The following EPB41L2 variants were observed in gnomAD, a reference collection of about 807,000 sequenced individuals.
The protein encoded by EPB41L2 is erythrocyte membrane protein band 4.1 like 2.
EPB41L2 carries 43 observed loss-of-function variants against 113.0 expected under a neutral mutation model. That is an observed-to-expected ratio of 0.38 (90% CI 0.30 to 0.49). EPB41L2 has a LOEUF of 0.49. Among genes scored for constraint, EPB41L2 ranks in the 20% least tolerant of loss-of-function variants. EPB41L2 has a pLI of 0.95. For missense variants in EPB41L2, 1,147 were observed against 1,223.4 expected (o/e 0.94, Z 0.93); for synonymous variants, 442 against 436.7 (o/e 1.01, Z -0.15).
chr6:130,867,133 A>AAAG (rs1355786763), intron 16 of EPB41L2, among the ~76,000 whole-genome samples: 1 of 152,228 alleles, frequency 6.6e-6, no homozygotes, highest in Non-Finnish European at 1.5e-5. Context: ...TTTGCAAGAC[A>AAAG]ATTTGTTTCC....
intron 1 of EPB41L2, among the ~76,000 whole-genome samples, chr6:131,037,380 CTT>C (rs950283546): frequency 3.3e-5 from 5 of 151,968 alleles, no homozygotes; most frequent in African/African-American, 7.3e-5. Flanking sequence ...TTAGAAAAGA[CTT>C]AGAAAAGCTG....
At position 131,062,317 on chromosome 6, in the gene EPB41L2, C is replaced by T. The variant is rs906807492; in HGVS notation, c.-15+838G>A. ...CGTCTGCGCCTGGGGATGGCGTCCCCAGACGCCGACTTCAACCCTGTCGCG... is the reference window on the plus strand; with the variant it reads ...CGTCTGCGCCTGGGGATGGCGTCCCTAGACGCCGACTTCAACCCTGTCGCG... On this transcript the variant is annotated intron_variant, in intron 1 of 19. Transcript: ENST00000337057. 3 of 152,032 alleles carry T rather than the reference C, an allele frequency of 2.0e-5. No homozygotes were observed. In the East Asian group the frequency reaches 5.8e-4, roughly 29 times the overall value. The allele number at this position is 152,032 out of a possible 1,614,324, so 9.4% of individuals were successfully genotyped here.
chr6:130,934,786 TTTTTG>T (rs967126333), intron 3 of EPB41L2, among the ~76,000 whole-genome samples: 1 of 144,286 alleles, frequency 6.9e-6, no homozygotes, highest in Non-Finnish European at 1.5e-5. Context: ...CGTCCCTTTC[TTTTTG>T]TTTTCTTTTT....
intron 15 of EPB41L2, chr6:130,868,446 C>T (rs988223667): frequency 6.6e-6 from 1 of 152,216 alleles, no homozygotes; most frequent in East Asian, 1.9e-4. Flanking sequence ...GACTATACTA[C>T]TACCAAAATA....
intron 19 of EPB41L2, among the ~76,000 whole-genome samples, chr6:130,841,492 G>A (rs751932140): frequency 3.1e-4 from 47 of 152,138 alleles, no homozygotes; most frequent in African/African-American, 5.8e-4. Flanking sequence ...AGCTGAAGCC[G>A]GCAAGGAGTA....
intron 1 of EPB41L2, among the ~76,000 whole-genome samples, chr6:130,989,896 A>G (rs1781431400): frequency 6.6e-6 from 1 of 152,252 alleles, no homozygotes; most frequent in South Asian, 2.1e-4. Flanking sequence ...AGAAAGAACA[A>G]TTAGAAATGG....
At position 131,027,070 on chromosome 6, in the gene EPB41L2, C is replaced by A. The variant is rs1036057665; in HGVS notation, c.-15+36085G>T. ...CAAGAATGCTTATGACTTTTACAGC[C>A]CTCATTCCAAATACTTACTACGTAA... On this transcript the variant is annotated intron_variant, in intron 1 of 19. Coordinates refer to ENST00000337057, the MANE Select transcript of EPB41L2 (RefSeq NM_001431.4). 2.0e-5 allele frequency among the ~76,000 whole-genome samples: 3 copies of A among 152,150 alleles called. No homozygotes were observed. The South Asian group carries it at 6.2e-4, about 32-fold the overall frequency.
At position 130,956,033 on chromosome 6, in the gene EPB41L2, G is replaced by A; in HGVS notation, c.453C>T (p.Ser151=). 1 of 1,613,366 alleles carries A rather than the reference G, an allele frequency of 6.2e-7. No homozygotes were observed. The highest frequency in any genetic ancestry group is 1.1e-5 in the South Asian group (1 of 90,864). Residue 151 remains serine, a synonymous_variant, in exon 2 of 20, where the codon AGC becomes AGT. Transcript: ENST00000337057. ...VEVKEEKPSV[S]KEEKPSVSKV... Reference sequence around the variant, plus strand: ...TGCTCACTGAGGGTTTTTCTTCCTTGCTCACTGAGGGTTTTTCTTCCTTGA... The same window carrying A: ...TGCTCACTGAGGGTTTTTCTTCCTTACTCACTGAGGGTTTTTCTTCCTTGA...
intron 1 of EPB41L2, among the ~76,000 whole-genome samples, chr6:130,984,987 T>C (rs1780203212): frequency 6.6e-6 from 1 of 152,092 alleles, no homozygotes; most frequent in African/African-American, 2.4e-5. Context: ...AGATGAAGAA[T>C]GGACAATATG....
intron 1 of EPB41L2, among the ~76,000 whole-genome samples, chr6:131,039,860 GTAAC>G (rs1794096669): frequency 6.6e-6 from 1 of 151,428 alleles, no homozygotes; most frequent in South Asian, 2.1e-4. Context: ...AAAACTTGAG[GTAAC>G]TATTATACCA....
chr6:130,977,482 G>C (rs1317433902), intron 1 of EPB41L2, among the ~76,000 whole-genome samples: 2 of 151,900 alleles, frequency 1.3e-5, no homozygotes, highest in African/African-American at 4.8e-5. Flanking sequence ...CTGTTAAGGA[G>C]AGAAAAAAGA....
intron 1 of EPB41L2, among the ~76,000 whole-genome samples, chr6:131,061,456 C>T (rs977563885): frequency 3.3e-5 from 5 of 152,154 alleles, no homozygotes; most frequent in Non-Finnish European, 7.4e-5. Flanking sequence ...CAGCATAGCT[C>T]TTCAAAAGTT....
intron 3 of EPB41L2, among the ~76,000 whole-genome samples, chr6:130,946,276 C>CA (rs1340711065): frequency 6.6e-6 from 1 of 151,902 alleles, no homozygotes; most frequent in African/African-American, 2.4e-5. Flanking sequence ...TTACATAAGC[C>CA]AAAAATAACA....
chr6:130,971,140 T>C (rs1776673120), intron 1 of EPB41L2, among the ~76,000 whole-genome samples: 1 of 152,154 alleles, frequency 6.6e-6, no homozygotes, highest in Non-Finnish European at 1.5e-5. Flanking sequence ...CAAGTGATCA[T>C]TCTGCCTTGG....
At chr6:130,930,515 G>C (rs544010874) in intron 3 of EPB41L2, among the ~76,000 whole-genome samples, 18 of 152,222 alleles carry the variant, frequency 1.2e-4, no homozygotes, top group Middle Eastern at 3.4e-3. Flanking sequence ...CTGGTCCCAA[G>C]CATTTCAGAT....
At chr6:130,901,208 C>T in intron 6 of EPB41L2, 28 bp from the exon 7 acceptor site, 1 of 1,602,654 alleles carries the variant, frequency 6.2e-7, no homozygotes, top group Non-Finnish European at 8.5e-7. Flanking sequence ...AGAAATGGGT[C>T]AGGGGAGAAC....
intron 19 of EPB41L2, among the ~76,000 whole-genome samples, chr6:130,851,380 T>C (rs1397354739): frequency 6.6e-6 from 1 of 152,240 alleles, no homozygotes; most frequent in Non-Finnish European, 1.5e-5. Flanking sequence ...GATTGTTTTG[T>C]TTAGAAATTG....
intron 1 of EPB41L2, among the ~76,000 whole-genome samples, chr6:131,006,460 G>C (rs930710366): frequency 6.6e-6 from 1 of 151,568 alleles, no homozygotes; most frequent in African/African-American, 2.4e-5. Flanking sequence ...TCAGGAGCTC[G>C]AGACGAGCCT....
chr6:130,956,563 C>G (rs13199082), intron 1 of EPB41L2, 64 bp from the exon 2 acceptor site: 17 of 1,429,818 alleles, frequency 1.2e-5, no homozygotes, highest in Non-Finnish European at 2.8e-6. Context: ...AGTTTGGTTG[C>G]GAGGGGCATG....
Sources: allele counts gnomAD v4.1 joint callset (sites outside exome capture counted in the v4.1 genomes callset), GRCh38; gene constraint gnomAD v4.1.1; transcripts MANE v1.5; gene names NCBI Gene and HGNC (gene_info 2026-07-23, HGNC 2026-07-21).